The following GTF2IRD1 variants were observed in gnomAD, a reference collection of about 807,000 sequenced individuals.
The protein encoded by GTF2IRD1 is GTF2I repeat domain containing 1, also known as general transcription factor II-I repeat domain-containing protein 1.
A neutral mutation model predicts 113.2 loss-of-function variants in GTF2IRD1; 26 were observed. That is an observed-to-expected ratio of 0.23 (90% confidence interval 0.17 to 0.32). The LOEUF is 0.32. Among genes scored for constraint, GTF2IRD1 ranks in the 10% least tolerant of loss-of-function variants. The probability of loss-of-function intolerance (pLI) is 1.00; values close to 1 mark genes in which losing one functional copy is unlikely to be tolerated. For synonymous variants in GTF2IRD1, 484 were observed against 529.1 expected, an observed-to-expected ratio of 0.91 and a Z score of 1.17; for missense variants, 864 against 1,280.8, an observed-to-expected ratio of 0.67 and a Z score of 4.97.
chr7:74,455,860 G>A (rs1026063552), intron 1 of GTF2IRD1, among the ~76,000 whole-genome samples: 31 of 152,176 alleles, frequency 2.0e-4, no homozygotes, highest in African/African-American at 6.5e-4. Flanking sequence ...AGGAAACTAG[G>A]AAGGAAGGGT....
At chr7:74,597,785 T>G (rs1802512805) in intron 25 of GTF2IRD1, among the ~76,000 whole-genome samples, 1 of 152,230 alleles carries the variant, frequency 6.6e-6, no homozygotes, top group Non-Finnish European at 1.5e-5. Context: ...GTGAGTCAGA[T>G]GCTGTGTAGA....
intron 4 of GTF2IRD1, among the ~76,000 whole-genome samples, chr7:74,517,261 T>A (rs587637934): frequency 6.6e-6 from 1 of 151,306 alleles, no homozygotes; most frequent in East Asian, 2.0e-4. Context: ...TGACCTCAAG[T>A]GATCCACCTG....
chr7:74,536,279 AGGCCCCGCCCCT>A lies in GTF2IRD1; in HGVS notation c.1409+12_1409+23del. On this transcript the variant is annotated splice_donor_5th_base_variant and intron_variant, in intron 11 of 26. Transcript: ENST00000424337. ...TTGACCTTGCTGGGAATGCTCGGTG[AGGCCCCGCCCCT>A]GGCCCCGGAGGCCCGCGGCCAGCCC... 6.3e-7 allele frequency: 1 copy of A among 1,575,948 alleles called. No individual in the cohort carries two copies. Among genetic ancestry groups the A allele is most frequent in the Non-Finnish European group, 8.7e-7 (1 of 1,145,896 alleles).
intron 1 of GTF2IRD1, among the ~76,000 whole-genome samples, chr7:74,470,679 A>G (rs1264509616): frequency 1.3e-5 from 2 of 152,234 alleles, no homozygotes; most frequent in African/African-American, 4.8e-5. Context: ...ATACTGTGGA[A>G]TATTAGTTAG....
At chr7:74,475,253 G>C (rs994701912) in intron 1 of GTF2IRD1, among the ~76,000 whole-genome samples, 4 of 152,250 alleles carry the variant, frequency 2.6e-5, no homozygotes, top group South Asian at 2.1e-4. Flanking sequence ...AAGAGACCCT[G>C]TCTCTTAAAA....
At position 74,547,113 on chromosome 7, in the gene GTF2IRD1, T is replaced by G. The variant is rs1798990143; in HGVS notation, c.1743T>G (p.Ile581Met). The change falls in exon 17 of 27, where the codon ATT becomes ATG. Residue 581 changes from isoleucine to methionine, a missense_variant. By Grantham distance (10) the Ile-to-Met change is conservative. Coordinates refer to ENST00000424337, the MANE Select transcript of GTF2IRD1 (RefSeq NM_005685.4). Reference sequence around the variant, plus strand: ...GCCATGTCTCTGCAGCCAAGGCCATTGGCATCTCGGAGCCCGTCAAGGTGC... The same window carrying G: ...GCCATGTCTCTGCAGCCAAGGCCATGGGCATCTCGGAGCCCGTCAAGGTGC... ...LLFNTRYAKAIGISEPVKVPY... is the reference protein window; with the variant it reads ...LLFNTRYAKAMGISEPVKVPY... 6.2e-7 allele frequency: 1 copy of G among 1,612,316 alleles called. No homozygotes were observed. Among genetic ancestry groups the G allele is most frequent in the African/African-American group, 1.3e-5 (1 of 74,954 alleles).
At chr7:74,515,293 A>G in intron 3 of GTF2IRD1, 148 bp from the exon 4 acceptor site, 2 of 1,495,416 alleles carry the variant, frequency 1.3e-6, no homozygotes, top group Non-Finnish European at 9.0e-7. Context: ...GGGCTTGCTC[A>G]CTCATTAATT....
At position 74,493,534 on chromosome 7, in the gene GTF2IRD1, C is replaced by G. The variant is rs9638335; in HGVS notation, c.-6-14541C>G. On this transcript the variant is annotated intron_variant, in intron 1 of 26. Transcript: ENST00000424337. Reference sequence around the variant, plus strand: ...AGTGATTTTGCCATATAAGGTAACACAGGCTCTGGGGATTAGGACATGGCT... The same window carrying G: ...AGTGATTTTGCCATATAAGGTAACAGAGGCTCTGGGGATTAGGACATGGCT... Among the ~76,000 whole-genome samples the G allele has an allele frequency of 0.025, 3,766 of 152,268 alleles. 396 individuals carry two copies. The East Asian group carries it at 0.35, about 14-fold the overall frequency.
chr7:74,590,405 T>G (rs75259123), intron 23 of GTF2IRD1, among the ~76,000 whole-genome samples: 1 of 147,814 alleles, frequency 6.8e-6, no homozygotes, highest in East Asian at 2.0e-4. Context: ...TTTTTTTTTT[T>G]GGAGACAGAG....
At chr7:74,522,399 G>A (rs1479801841) in intron 7 of GTF2IRD1, among the ~76,000 whole-genome samples, 1 of 152,160 alleles carries the variant, frequency 6.6e-6, no homozygotes, top group Non-Finnish European at 1.5e-5. Flanking sequence ...AAAAGGTTCT[G>A]TAAGAAAACC....
intron 1 of GTF2IRD1, among the ~76,000 whole-genome samples, chr7:74,505,285 G>T (rs1796242304): frequency 6.6e-6 from 1 of 152,196 alleles, no homozygotes; most frequent in African/African-American, 2.4e-5. Context: ...GTGGGCCTGG[G>T]TCTCATCTTC....
At chr7:74,513,026 C>T in intron 3 of GTF2IRD1, 55 bp downstream of exon 3, 3 of 1,568,016 alleles carry the variant, frequency 1.9e-6, no homozygotes, top group Non-Finnish European at 2.6e-6. Flanking sequence ...AGGGCAGGCG[C>T]TCTAGCCCAT....
intron 14 of GTF2IRD1, among the ~76,000 whole-genome samples, chr7:74,542,353 G>A (rs1166860613): frequency 3.9e-5 from 6 of 152,194 alleles, no homozygotes; most frequent in South Asian, 4.2e-4. Flanking sequence ...CCGAGATCAC[G>A]CCACTGCACT....
At chr7:74,494,925 A>G (rs575582102) in intron 1 of GTF2IRD1, among the ~76,000 whole-genome samples, 1 of 151,612 alleles carries the variant, frequency 6.6e-6, no homozygotes, top group Non-Finnish European at 1.5e-5. Context: ...CTAATTTTAA[A>G]TTTTTTTTGT....
chr7:74,498,728 CT>C (rs1554338686), intron 1 of GTF2IRD1, among the ~76,000 whole-genome samples: 437 of 143,966 alleles, frequency 3.0e-3, no homozygotes, highest in Non-Finnish European at 2.7e-3. Context: ...TCCTGTAGTT[CT>C]TTTTTTTTTT....
At chr7:74,500,254 G>T (rs1584531478) in intron 1 of GTF2IRD1, among the ~76,000 whole-genome samples, 1 of 152,268 alleles carries the variant, frequency 6.6e-6, no homozygotes, top group South Asian at 2.1e-4. Context: ...ATGTAACATG[G>T]ATTAGAAGAA....
intron 9 of GTF2IRD1, among the ~76,000 whole-genome samples, chr7:74,530,681 G>T (rs1481329219): frequency 6.6e-6 from 1 of 150,804 alleles, no homozygotes; most frequent in Non-Finnish European, 1.5e-5. Context: ...AAATGAAAAA[G>T]TGGATGAAAC....
intron 17 of GTF2IRD1, among the ~76,000 whole-genome samples, chr7:74,550,057 G>A (rs1186630085): frequency 3.3e-5 from 5 of 151,552 alleles, no homozygotes; most frequent in African/African-American, 1.2e-4. Flanking sequence ...AATTAGCCAG[G>A]CATGGTGGCA....
intron 17 of GTF2IRD1, among the ~76,000 whole-genome samples, chr7:74,553,832 C>G (rs1799451620): frequency 6.6e-6 from 1 of 152,126 alleles, no homozygotes. Flanking sequence ...AGTCACTTCC[C>G]CTTTCAGAAC....
Sources: gnomAD v4.1 joint callset for allele counts (sites outside exome capture counted in the v4.1 genomes callset) on GRCh38, gnomAD v4.1.1 for gene constraint, MANE v1.5 for transcripts, NCBI Gene and HGNC (gene_info 2026-07-23, HGNC 2026-07-21) for gene names.